SEL1L3: variants seen among roughly 807,000 people sequenced by gnomAD.
SEL1L3 encodes the protein SEL1L family member 3.
Under a neutral mutation model 142.8 loss-of-function variants are expected in SEL1L3, and 76 were observed. That is an observed-to-expected ratio of 0.53 (90% confidence interval 0.44 to 0.64). SEL1L3 has a LOEUF of 0.64. Ranked by LOEUF, SEL1L3 falls within the 30% of genes least tolerant of loss-of-function variation. The probability of loss-of-function intolerance (pLI) is 0.00; values close to 1 mark genes in which losing one functional copy is unlikely to be tolerated. For missense variants in SEL1L3, 1,262 were observed against 1,381.7 expected (o/e 0.91, Z 1.37); for synonymous variants, 504 against 519.6 (o/e 0.97, Z 0.41).
At chr4:25,791,189 T>A (rs1394844136) in intron 11 of SEL1L3, among the ~76,000 whole-genome samples, 1 of 152,274 alleles carries the variant, frequency 6.6e-6, no homozygotes, top group Non-Finnish European at 1.5e-5. Flanking sequence ...AACGTATTAC[T>A]ATCCTGCATG....
chr4:25,780,951 G>A (rs1393807546), intron 15 of SEL1L3, among the ~76,000 whole-genome samples: 2 of 151,074 alleles, frequency 1.3e-5, no homozygotes, highest in Non-Finnish European at 2.9e-5. Context: ...TCAGCCTCTC[G>A]AGTGCCTGAG....
intron 2 of SEL1L3, among the ~76,000 whole-genome samples, chr4:25,845,569 T>C (rs1716454483): frequency 1.3e-5 from 2 of 152,192 alleles, no homozygotes; most frequent in South Asian, 4.1e-4. Context: ...AACTATCATG[T>C]ATGGTGACAC....
At chr4:25,757,637 T>C (rs1718079167) in intron 22 of SEL1L3, 31 bp from the exon 23 acceptor site, 2 of 1,558,330 alleles carry the variant, frequency 1.3e-6, no homozygotes, top group African/African-American at 1.4e-5. Flanking sequence ...CATTAGTGAC[T>C]GACAAAGGGC....
the SEL1L3 span, among the ~76,000 whole-genome samples, chr4:25,736,960 A>T: frequency 6.8e-6 from 1 of 147,872 alleles, no homozygotes; most frequent in Non-Finnish European, 1.5e-5. Flanking sequence ...ACCTTTTAAT[A>T]ATATGCTACT....
rs538144891 is a variant in SEL1L3 at position 25,853,097 on chromosome 4, C to A, written c.163-5233G>T. ...GTGGATAATGGACATACATACACGCCAGGTGTTGTGGCTCATGCTGGTAAT... is the reference window on the plus strand; with the variant it reads ...GTGGATAATGGACATACATACACGCAAGGTGTTGTGGCTCATGCTGGTAAT... On this transcript the variant is annotated intron_variant, in intron 1 of 23. Transcript: ENST00000399878. Among the ~76,000 whole-genome samples, 73 of 152,252 alleles carry A rather than the reference C, an allele frequency of 4.8e-4. 1 individual carries two copies. The Middle Eastern group carries it at 0.017, about 35-fold the overall frequency.
At chr4:25,779,243 G>A (rs769913286) in intron 15 of SEL1L3, 40 bp from the exon 16 acceptor site, 1 of 1,607,684 alleles carries the variant, frequency 6.2e-7, no homozygotes, top group African/African-American at 1.3e-5. Flanking sequence ...CATCCTAGCT[G>A]GGCTGGTTTC....
At chr4:25,733,223 A>T in the SEL1L3 span, among the ~76,000 whole-genome samples, 3 of 152,150 alleles carry the variant, frequency 2.0e-5, no homozygotes, top group Admixed American at 6.5e-5. Flanking sequence ...GAGAATTTAC[A>T]TCTTGAAAAT....
At chr4:25,729,951 T>C in the SEL1L3 span, among the ~76,000 whole-genome samples, 1 of 151,768 alleles carries the variant, frequency 6.6e-6, no homozygotes, top group African/African-American at 2.4e-5. Context: ...TTCCCCTCCT[T>C]CTCCTTCTTC....
At chr4:25,799,074 CTGTT>C (rs954792425) in intron 11 of SEL1L3, among the ~76,000 whole-genome samples, 8 of 151,934 alleles carry the variant, frequency 5.3e-5, no homozygotes, top group Admixed American at 3.3e-4. Context: ...GTGTCCTACT[CTGTT>C]TGTTGTTGTT....
In SEL1L3 at chr4:25,748,282, A is replaced by G. The variant is rs527846602; in HGVS notation, c.*143T>C. ...GGTACTTCCTTGTAATTTGACTTTA[A>G]AAAAAATGACACCAATTGCAAAATT... On this transcript the variant is annotated 3_prime_UTR_variant, in exon 24 of 24. Coordinates refer to ENST00000399878, the MANE Select transcript of SEL1L3 (RefSeq NM_015187.5). 24 of 813,608 alleles carry G rather than the reference A, an allele frequency of 2.9e-5. No homozygotes were observed. In the Admixed American group the frequency reaches 3.5e-4, roughly 12 times the overall value. 50.4% of individuals were successfully genotyped at this position (813,608 alleles called of 1,614,324 possible).
chr4:25,833,143 C>CA (rs772108631), intron 4 of SEL1L3, 33 bp from the exon 5 acceptor site: 3 of 1,179,190 alleles, frequency 2.5e-6, no homozygotes, highest in Non-Finnish European at 2.5e-6. Context: ...TGAAAATGAG[C>CA]AAAAAATATC....
At chr4:25,832,752 A>G (rs1342667706) in intron 5 of SEL1L3, among the ~76,000 whole-genome samples, 1 of 152,242 alleles carries the variant, frequency 6.6e-6, no homozygotes, top group African/African-American at 2.4e-5. Context: ...AGCTGCCTGT[A>G]TGCTTTATTC....
chr4:25,720,773 A>G, the SEL1L3 span: 1 of 152,236 alleles, frequency 6.6e-6, no homozygotes, highest in Non-Finnish European at 1.5e-5. Flanking sequence ...GTAGAAAGGT[A>G]AAGTAAATAC....
At chr4:25,758,761 G>T (rs62410856) in intron 21 of SEL1L3, among the ~76,000 whole-genome samples, 180 bp downstream of exon 21, 7,657 of 151,128 alleles carry the variant, frequency 0.051, 229 homozygotes, top group East Asian at 0.11. Flanking sequence ...TGATCTGCCC[G>T]CCTCAGCCTC....
chr4:25,845,331 CAA>C (rs1468146948), intron 2 of SEL1L3, among the ~76,000 whole-genome samples: 1 of 151,862 alleles, frequency 6.6e-6, no homozygotes, highest in Non-Finnish European at 1.5e-5. Context: ...CCCATCTCTA[CAA>C]AAAAATAAAA....
the SEL1L3 span, among the ~76,000 whole-genome samples, chr4:25,725,370 C>T: frequency 6.8e-6 from 1 of 147,230 alleles, no homozygotes; most frequent in African/African-American, 2.6e-5. Context: ...GGCTGGAGTA[C>T]AGTGGCACAA....
chr4:25,722,793 T>A, the SEL1L3 span, among the ~76,000 whole-genome samples: 1 of 152,086 alleles, frequency 6.6e-6, no homozygotes, highest in Non-Finnish European at 1.5e-5. Context: ...TACTCAGTAG[T>A]CAGAGCTGTG....
intron 11 of SEL1L3, 24 bp downstream of exon 11, chr4:25,802,258 TC>T (rs766874910): frequency 1.3e-6 from 2 of 1,597,930 alleles, no homozygotes; most frequent in Admixed American, 1.7e-5. Flanking sequence ...CCATAACCAT[TC>T]CCAACCTTTT....
chr4:25,718,213 G>A, the SEL1L3 span: 1 of 152,160 alleles, frequency 6.6e-6, no homozygotes, highest in Non-Finnish European at 1.5e-5. Flanking sequence ...GTCCCTCATT[G>A]TGTCTTGATT....
Sources: gnomAD v4.1 joint callset for allele counts (sites outside exome capture counted in the v4.1 genomes callset) on GRCh38, gnomAD v4.1.1 for gene constraint, MANE v1.5 for transcripts, NCBI Gene and HGNC (gene_info 2026-07-23, HGNC 2026-07-21) for gene names.